Variants in PRELID2 observed in about 807,000 individuals in gnomAD.
PRELID2 encodes the protein PRELI domain-containing protein 2.
In PRELID2, 25 loss-of-function variants were observed where a neutral mutation model predicts 28.4. That is an observed-to-expected ratio of 0.88 (90% CI 0.64 to 1.23). PRELID2 has a LOEUF of 1.23. PRELID2 is among the 50% of genes most tolerant of loss of function. The probability of loss-of-function intolerance (pLI) is 0.00; values close to 1 mark genes in which losing one functional copy is unlikely to be tolerated. For missense variants in PRELID2, 201 were observed against 214.4 expected (o/e 0.94, Z 0.39); for synonymous variants, 76 against 71.6 (o/e 1.06, Z -0.31).
At chr5:145,413,705 C>A in the PRELID2 span, among the ~76,000 whole-genome samples, 362 of 152,002 alleles carry the variant, frequency 2.4e-3, 1 homozygote, top group African/African-American at 8.0e-3. Flanking sequence ...TCCCCCACCC[C>A]CTTCCCTCAG....
chr5:145,278,548 C>A, the PRELID2 span, among the ~76,000 whole-genome samples: 1 of 152,164 alleles, frequency 6.6e-6, no homozygotes, highest in African/African-American at 2.4e-5. Flanking sequence ...CACAACATGA[C>A]AGCTTGCTTC....
At chr5:145,364,633 A>G in the PRELID2 span, among the ~76,000 whole-genome samples, 10 of 152,032 alleles carry the variant, frequency 6.6e-5, no homozygotes, top group Non-Finnish European at 1.0e-4. Flanking sequence ...GGCTACTACA[A>G]CAGAAAGACA....
intron 1 of PRELID2, among the ~76,000 whole-genome samples, chr5:145,537,869 T>G (rs1285522788): frequency 1.3e-5 from 2 of 151,976 alleles, no homozygotes; most frequent in Non-Finnish European, 2.9e-5. Context: ...TATTTTTTCT[T>G]AGTTGTCTAT....
At chr5:145,664,595 T>A (rs1561537157) in intron 1 of PRELID2, among the ~76,000 whole-genome samples, 1 of 152,108 alleles carries the variant, frequency 6.6e-6, no homozygotes, top group Non-Finnish European at 1.5e-5. Flanking sequence ...GCTTTTTTAA[T>A]CTAACTCTTT....
At chr5:145,563,881 T>C (rs1752943767) in intron 1 of PRELID2, among the ~76,000 whole-genome samples, 1 of 152,172 alleles carries the variant, frequency 6.6e-6, no homozygotes, top group Admixed American at 6.5e-5. Context: ...TTAATAATAC[T>C]GTGAGAATGC....
chr5:145,512,567 A>C (rs916228748), intron 1 of PRELID2, among the ~76,000 whole-genome samples: 1 of 152,196 alleles, frequency 6.6e-6, no homozygotes, highest in African/African-American at 2.4e-5. Context: ...GCTTCAGCAG[A>C]CTTAAATGTT....
chr5:145,561,070 G>A (rs1317735412), intron 1 of PRELID2, among the ~76,000 whole-genome samples: 1 of 151,134 alleles, frequency 6.6e-6, no homozygotes, highest in Admixed American at 6.6e-5. Flanking sequence ...GCTACAAAAT[G>A]ACTGAAACTG....
At chr5:145,753,242 G>A (rs1395153351), downstream of PRELID2, among the ~76,000 whole-genome samples, 1 of 150,004 alleles carries the variant, frequency 6.7e-6, no homozygotes, top group South Asian at 2.1e-4. Context: ...TCTCTCTGCT[G>A]CCTCTAGCAC....
At chr5:145,467,572 C>T (rs368189721), downstream of PRELID2, among the ~76,000 whole-genome samples, 184 of 152,152 alleles carry the variant, frequency 1.2e-3, no homozygotes, top group African/African-American at 4.1e-3. Flanking sequence ...TATCAGAGAC[C>T]GTGCAAAGTA....
At chr5:145,717,254 G>T (rs1400434405) in intron 1 of PRELID2, among the ~76,000 whole-genome samples, 1 of 152,068 alleles carries the variant, frequency 6.6e-6, no homozygotes, top group Non-Finnish European at 1.5e-5. Context: ...GTTGACAGAG[G>T]CTGGGGAGAA....
chr5:145,623,668 GAT>G (rs201253178), intron 1 of PRELID2, among the ~76,000 whole-genome samples: 1,924 of 152,004 alleles, frequency 0.013, 40 homozygotes, highest in African/African-American at 0.045. Context: ...TAGGTAGGTA[GAT>G]ATCCACACCT....
At chr5:145,774,914 A>G (rs1758320180) in intron 5 of PRELID2, among the ~76,000 whole-genome samples, 1 of 152,182 alleles carries the variant, frequency 6.6e-6, no homozygotes, top group South Asian at 2.1e-4. Context: ...CAGCTCGGTT[A>G]AAAAAGGTGA....
chr5:145,328,950 G>A, the PRELID2 span, among the ~76,000 whole-genome samples: 1 of 152,118 alleles, frequency 6.6e-6, no homozygotes, highest in Non-Finnish European at 1.5e-5. Context: ...GTTAATTTTT[G>A]TATAAGGTGT....
the PRELID2 span, among the ~76,000 whole-genome samples, chr5:145,446,162 T>C: frequency 0.038 from 5,808 of 151,924 alleles, 233 homozygotes; most frequent in East Asian, 0.23. Context: ...ATGATAAAAG[T>C]TTGAGATAAT....
chr5:145,341,892 A>G, the PRELID2 span, among the ~76,000 whole-genome samples: 2 of 152,204 alleles, frequency 1.3e-5, no homozygotes, highest in Non-Finnish European at 2.9e-5. Context: ...AGACTTTCCC[A>G]TACAGGTGGC....
At chr5:145,685,340 C>A (rs1755014548) in intron 1 of PRELID2, among the ~76,000 whole-genome samples, 2 of 152,180 alleles carry the variant, frequency 1.3e-5, no homozygotes, top group Non-Finnish European at 2.9e-5. Flanking sequence ...CTTTCGGTTT[C>A]TCTGATGTAA....
the PRELID2 span, among the ~76,000 whole-genome samples, chr5:145,461,811 A>C: frequency 3.3e-5 from 5 of 152,346 alleles, no homozygotes; most frequent in African/African-American, 1.2e-4. Context: ...TGATATTAAA[A>C]TTTAATTCTC....
chr5:145,342,053 T>C, the PRELID2 span, among the ~76,000 whole-genome samples: 1,695 of 152,312 alleles, frequency 0.011, 33 homozygotes, highest in African/African-American at 0.039. Context: ...TTCTGATTAA[T>C]AGCACATTTC....
chr5:145,517,800 AC>A (rs1315337594), intron 1 of PRELID2, among the ~76,000 whole-genome samples: 2 of 152,210 alleles, frequency 1.3e-5, no homozygotes, highest in African/African-American at 4.8e-5. Context: ...ACCATGGAAT[AC>A]TATGCAGCCA....
Sources: gnomAD v4.1 joint callset for allele counts (sites outside exome capture counted in the v4.1 genomes callset) on GRCh38, gnomAD v4.1.1 for gene constraint, MANE v1.5 for transcripts, NCBI Gene and HGNC (gene_info 2026-07-23, HGNC 2026-07-21) for gene names.